The following DPY19L1 variants were observed in gnomAD, a reference collection of about 807,000 sequenced individuals.
DPY19L1 encodes the protein dpy-19 like C-mannosyltransferase 1, also known as protein C-mannosyl-transferase DPY19L1.
Under a neutral mutation model 96.9 loss-of-function variants are expected in DPY19L1, and 35 were observed. That is an observed-to-expected ratio of 0.36 (90% CI 0.28 to 0.48). The LOEUF (loss-of-function observed/expected upper bound fraction) is 0.48. Ranked by LOEUF, DPY19L1 falls within the 20% of genes least tolerant of loss-of-function variation. The probability of loss-of-function intolerance (pLI) is 0.99; values close to 1 mark genes in which losing one functional copy is unlikely to be tolerated. For missense variants in DPY19L1, 521 were observed against 777.9 expected (o/e 0.67, Z 3.93); for synonymous variants, 205 against 252.6 (o/e 0.81, Z 1.79).
intron 20 of DPY19L1, among the ~76,000 whole-genome samples, 180 bp from the exon 21 acceptor site, chr7:34,938,299 G>C (rs1346940052): frequency 6.6e-6 from 1 of 152,226 alleles, no homozygotes; most frequent in African/African-American, 2.4e-5. Flanking sequence ...GGCAGGAGGA[G>C]GACAAGTTGT....
intron 1 of DPY19L1, among the ~76,000 whole-genome samples, chr7:35,026,084 T>C (rs1341136642): frequency 6.6e-6 from 1 of 152,200 alleles, no homozygotes; most frequent in Non-Finnish European, 1.5e-5. Flanking sequence ...CAGGATTTTT[T>C]TTTTATATAT....
chr7:35,022,118 T>C (rs1157410477), intron 1 of DPY19L1, among the ~76,000 whole-genome samples: 2 of 152,212 alleles, frequency 1.3e-5, no homozygotes, highest in African/African-American at 2.4e-5. Context: ...TTAAATGATT[T>C]TCTCTAAGTT....
intron 1 of DPY19L1, among the ~76,000 whole-genome samples, chr7:35,022,499 T>C (rs1328463288): frequency 6.6e-6 from 1 of 152,210 alleles, no homozygotes; most frequent in Non-Finnish European, 1.5e-5. Context: ...ATATGACACA[T>C]TATATCAATT....
rs183711408 is a variant in DPY19L1, at chr7:35,010,476, T to C, written c.756A>G (p.Thr252=). The change falls in exon 6 of 22, where the codon ACA becomes ACG. Residue 252 remains threonine, a synonymous_variant. Coordinates refer to ENST00000638088, the MANE Select transcript of DPY19L1 (RefSeq NM_001366673.1). ...TACTAAAATATTCTTACCTTAAATA[T>C]GTGCCATATATGAAGAATAATGCCA... is the stretch of plus-strand genomic sequence containing the variant. ...LMMALFFIYG[T]YLSGSRLGGL... 8.9e-5 allele frequency: 138 copies of C among 1,553,900 alleles called. No individual in the cohort carries two copies. In the African/African-American group the frequency reaches 1.8e-3, roughly 20 times the overall value.
In DPY19L1 at chr7:34,961,965, G is replaced by A. The variant is rs73098762; in HGVS notation, c.1093-3895C>T. On this transcript the variant is annotated intron_variant, in intron 10 of 21. Coordinates refer to ENST00000638088, the MANE Select transcript of DPY19L1 (RefSeq NM_001366673.1). ...GACACCACCAAATGCTGACAAGGAT[G>A]TGGAGCAGCAGGAACTCTCATTTAT... Among the ~76,000 whole-genome samples the A allele has an allele frequency of 5.9e-3, 904 of 152,264 alleles. 5 individuals carry two copies. Among genetic ancestry groups the A allele is most frequent in the Non-Finnish European group, 7.6e-3 (514 of 68,036 alleles).
At chr7:34,938,994 A>G in intron 20 of DPY19L1, 1 of 257,850 alleles carries the variant, frequency 3.9e-6, no homozygotes, top group East Asian at 6.9e-5. Flanking sequence ...GGACTTGGAC[A>G]TTTTAGAGCC....
rs773042334 is a variant in DPY19L1 at position 34,968,641 on chromosome 7, G to A, written c.1014+792C>T. Among the ~76,000 whole-genome samples, 12 of 151,600 alleles carry A rather than the reference G, an allele frequency of 7.9e-5. 1 individual carries two copies. Among genetic ancestry groups the A allele is most frequent in the Non-Finnish European group, 1.6e-4 (11 of 67,886 alleles). On this transcript the variant is annotated intron_variant, in intron 9 of 21. Transcript: ENST00000638088. ...AATAATTAGCTGGGTGTGGTGGCAC[G>A]TGCCTGTAGTTCCAGCTACTTGGGA...
intron 6 of DPY19L1, among the ~76,000 whole-genome samples, chr7:35,007,386 G>C (rs539650226): frequency 8.5e-5 from 13 of 152,304 alleles, no homozygotes; most frequent in Non-Finnish European, 1.9e-4. Context: ...GAAGGGGCCA[G>C]CTAAAGCACA....
intron 6 of DPY19L1, among the ~76,000 whole-genome samples, chr7:35,004,114 C>T (rs328934): frequency 6.6e-6 from 1 of 152,070 alleles, no homozygotes; most frequent in Non-Finnish European, 1.5e-5. Context: ...ATCGTCACAT[C>T]TCACGTATAC....
intron 6 of DPY19L1, among the ~76,000 whole-genome samples, chr7:34,995,571 C>T (rs1351634075): frequency 1.4e-4 from 21 of 152,110 alleles, no homozygotes; most frequent in Admixed American, 1.4e-3. Context: ...CTACCTACTA[C>T]AGTTGTATAG....
At position 34,954,703 on chromosome 7, in the gene DPY19L1, C is replaced by T; in HGVS notation, c.1315G>A (p.Asp439Asn). 1 of 1,541,740 alleles carries T rather than the reference C, an allele frequency of 6.5e-7. No homozygotes were observed. Among genetic ancestry groups the T allele is most frequent in the Non-Finnish European group, 8.9e-7 (1 of 1,127,630 alleles). Residue 439 changes from aspartate (D) to asparagine (N), a missense_variant, in exon 13 of 22, where the codon GAT becomes AAT. Coordinates refer to ENST00000638088, the MANE Select transcript of DPY19L1 (RefSeq NM_001366673.1). ...YLTSKIFGIA[D>N]DAHIGNLLTS... ...TAAGTAAAAAATGCACTTACGTCAT[C>T]TGCAATACCAAAAATTTTAGATGTC...
At chr7:34,945,351 C>A (rs1326095034) in intron 16 of DPY19L1, among the ~76,000 whole-genome samples, 1 of 152,180 alleles carries the variant, frequency 6.6e-6, no homozygotes, top group African/African-American at 2.4e-5. Flanking sequence ...AGGCAGTCCA[C>A]TGGTCCTAAA....
At chr7:35,029,577 G>A (rs1238046143) in intron 1 of DPY19L1, among the ~76,000 whole-genome samples, 2 of 152,134 alleles carry the variant, frequency 1.3e-5, no homozygotes, top group Non-Finnish European at 2.9e-5. Context: ...TATCTTTTAA[G>A]TGACTAAGAA....
intron 9 of DPY19L1, among the ~76,000 whole-genome samples, chr7:34,968,416 G>A (rs1331885507): frequency 6.6e-6 from 1 of 152,094 alleles, no homozygotes; most frequent in Non-Finnish European, 1.5e-5. Context: ...AGAGGCTAGT[G>A]AATAGAATTA....
chr7:35,023,485 G>A (rs538224899), intron 1 of DPY19L1, among the ~76,000 whole-genome samples: 51 of 152,168 alleles, frequency 3.4e-4, no homozygotes, highest in African/African-American at 1.2e-3. Flanking sequence ...ACAAATCAAC[G>A]TTCCCATCCA....
chr7:34,976,911 G>C (rs1333595763), intron 7 of DPY19L1, among the ~76,000 whole-genome samples: 7 of 151,888 alleles, frequency 4.6e-5, no homozygotes, highest in Non-Finnish European at 8.8e-5. Flanking sequence ...AGCCTCCCGA[G>C]TAGCTGGGAC....
intron 7 of DPY19L1, among the ~76,000 whole-genome samples, chr7:34,979,119 T>G (rs556549894): frequency 6.6e-6 from 1 of 152,296 alleles, no homozygotes; most frequent in Non-Finnish European, 1.5e-5. Context: ...CAGTATATCC[T>G]ATCCAAATTT....
intron 21 of DPY19L1, among the ~76,000 whole-genome samples, chr7:34,937,087 G>A (rs1783884222): frequency 1.3e-5 from 2 of 152,200 alleles, no homozygotes; most frequent in Non-Finnish European, 2.9e-5. Flanking sequence ...ACTGTCACCT[G>A]GTGTCCAGTC....
At chr7:34,939,138 A>G (rs1208814375) in intron 20 of DPY19L1, 138 bp downstream of exon 20, 3 of 711,266 alleles carry the variant, frequency 4.2e-6, no homozygotes, top group East Asian at 5.9e-5. Context: ...GTCTTATTTC[A>G]GCTTTCTGCT....
Sources: allele counts gnomAD v4.1 joint callset (sites outside exome capture counted in the v4.1 genomes callset), GRCh38; gene constraint gnomAD v4.1.1; transcripts MANE v1.5; gene names NCBI Gene and HGNC (gene_info 2026-07-23, HGNC 2026-07-21).